Variants in MTG1 observed in about 807,000 individuals in gnomAD.
MTG1 encodes the protein mitochondrial ribosome associated GTPase 1.
In MTG1, 30 loss-of-function variants were observed where a neutral mutation model predicts 39.5. The ratio of observed to expected loss-of-function variants is 0.76; its 90% CI spans 0.57 to 1.03. The LOEUF (loss-of-function observed/expected upper bound fraction) is 1.03. MTG1 is among the 50% of genes least tolerant of loss of function. MTG1 has a pLI of 0.00. For synonymous variants in MTG1, 217 were observed against 179.0 expected, an observed-to-expected ratio of 1.21 and a Z score of -1.69; for missense variants, 513 against 447.4, an observed-to-expected ratio of 1.15 and a Z score of -1.32.
At chr10:133,416,400 A>C (rs887402292) in intron 9 of MTG1, among the ~76,000 whole-genome samples, 151 of 147,610 alleles carry the variant, frequency 1.0e-3, no homozygotes, top group African/African-American at 3.3e-3. Flanking sequence ...TTTTCTTTTT[A>C]TTTTATTTTA....
At chr10:133,394,618 T>C (rs1849753637) in intron 1 of MTG1, 1 of 1,278,010 alleles carries the variant, frequency 7.8e-7, no homozygotes, top group Non-Finnish European at 9.9e-7. Context: ...GCCCCTGTCC[T>C]CTGTTCCCAG....
In MTG1 at chr10:133,420,033, G is replaced by A; in HGVS notation, c.873G>A (p.Val291=). The A allele has an allele frequency of 6.2e-7, 1 of 1,610,174 alleles. No homozygotes were observed. Among genetic ancestry groups the A allele is most frequent in the South Asian group, 1.1e-5 (1 of 90,674 alleles). Residue 291 remains valine, a synonymous_variant, in exon 11 of 11, where the codon GTG becomes GTA. Coordinates refer to ENST00000317502, the MANE Select transcript of MTG1 (RefSeq NM_138384.4). The part of the protein sequence containing the change: ...KVKVLTGTGN[V]NIIQPNYPAA... ...AACCCTCCCGTCCCCCAGGTAACGT[G>A]AACATTATTCAGCCTAACTATCCTG...
intron 6 of MTG1, 61 bp downstream of exon 6, chr10:133,399,680 G>C: frequency 6.5e-7 from 1 of 1,530,920 alleles, no homozygotes; most frequent in Non-Finnish European, 9.0e-7. Context: ...CTGATGTGCT[G>C]ATGCCACCAT....
At chr10:133,412,766 C>G (rs1489243072) in intron 9 of MTG1, among the ~76,000 whole-genome samples, 1 of 152,202 alleles carries the variant, frequency 6.6e-6, no homozygotes, top group African/African-American at 2.4e-5. Context: ...CCCAAAGAAT[C>G]AGCTTCTGGT....
chr10:133,394,405 C>T, intron 1 of MTG1, 73 bp downstream of exon 1: 2 of 1,353,606 alleles, frequency 1.5e-6, no homozygotes, highest in Admixed American at 3.3e-5. Flanking sequence ...ACCCCGGTTT[C>T]GGCCGTCGCC....
chr10:133,404,740 T>C (rs1391404053), intron 9 of MTG1, among the ~76,000 whole-genome samples: 2 of 152,148 alleles, frequency 1.3e-5, no homozygotes, highest in African/African-American at 4.8e-5. Flanking sequence ...CAGATTGAAG[T>C]TCTTTTTTTT....
chr10:133,409,531 T>C (rs1027279801), intron 9 of MTG1, among the ~76,000 whole-genome samples: 1 of 152,224 alleles, frequency 6.6e-6, no homozygotes, highest in Non-Finnish European at 1.5e-5. Context: ...TCTGTAAATG[T>C]CAGTTAGACC....
chr10:133,414,571 C>T (rs1444141784), intron 9 of MTG1, among the ~76,000 whole-genome samples: 8 of 151,750 alleles, frequency 5.3e-5, no homozygotes, highest in East Asian at 3.9e-4. Flanking sequence ...AGACGATGGG[C>T]GGCGGGGCAG....
At chr10:133,400,186 C>T (rs565778649) in intron 6 of MTG1, among the ~76,000 whole-genome samples, 14 of 150,778 alleles carry the variant, frequency 9.3e-5, no homozygotes, top group African/African-American at 1.5e-4. Flanking sequence ...AGCGAGACTC[C>T]GTCTCAAAAA....
chr10:133,420,266 C>G lies in MTG1; in HGVS notation c.*101C>G, dbSNP rs116089682. ...GCTCACCCGGTCCAGAAGCTCCATG[C>G]TGGTCACTAGGGTGCTGTGCTCTCT... is the stretch of plus-strand genomic sequence containing the variant. On this transcript the variant is annotated 3_prime_UTR_variant, in exon 11 of 11. Coordinates refer to ENST00000317502, the MANE Select transcript of MTG1 (RefSeq NM_138384.4). The G allele has an allele frequency of 9.1e-4, 1,279 of 1,403,998 alleles. 8 individuals are homozygous for G. In the African/African-American group the frequency reaches 0.015, roughly 17 times the overall value. 87.0% of individuals were successfully genotyped at this position (1,403,998 alleles called of 1,614,324 possible). A position where few individuals can be genotyped will look rare whatever the true frequency, so the allele number is the denominator to read the frequency against.
At chr10:133,413,505 C>T (rs944978200) in intron 9 of MTG1, among the ~76,000 whole-genome samples, 1 of 152,214 alleles carries the variant, frequency 6.6e-6, no homozygotes, top group Non-Finnish European at 1.5e-5. Context: ...CCACGTGCCT[C>T]CCAAAGTGCT....
chr10:133,397,779 G>GTTTTTTTTTTTTTTTTTTTTTTTTT (rs35859911), intron 3 of MTG1, among the ~76,000 whole-genome samples: 1 of 139,486 alleles, frequency 7.2e-6, no homozygotes, highest in South Asian at 2.4e-4. Context: ...CGTCCAGCCT[G>GTTTTTTTTTTTTTTTTTTTTTTTTT]TTTTTTTTTT....
rs117841995 is a variant in MTG1, at chr10:133,407,351, G to A, written c.752+4578G>A. Among the ~76,000 whole-genome samples the A allele has an allele frequency of 7.5e-3, 1,140 of 152,174 alleles. 8 individuals carry two copies. The highest frequency in any genetic ancestry group is 0.048 in the Middle Eastern group (14 of 294). Reference sequence around the variant, plus strand: ...AGAGTGTCATTGCTATTTTGATAACGATTGCATTAAATCTGTAAATTGCTT... The same window carrying A: ...AGAGTGTCATTGCTATTTTGATAACAATTGCATTAAATCTGTAAATTGCTT... On this transcript the variant is annotated intron_variant, in intron 9 of 10. Transcript: ENST00000317502.
chr10:133,398,612 G>T, intron 4 of MTG1, 97 bp downstream of exon 4: 1 of 1,381,806 alleles, frequency 7.2e-7, no homozygotes. Flanking sequence ...GCAGAGCTTT[G>T]GAAAAGATCC....
chr10:133,398,754 C>T (rs1372033247), intron 4 of MTG1, among the ~76,000 whole-genome samples: 1 of 152,182 alleles, frequency 6.6e-6, no homozygotes, highest in Non-Finnish European at 1.5e-5. Context: ...TTTGGAGACT[C>T]AGGTAGCTCA....
chr10:133,398,432 C>G lies in MTG1; in HGVS notation c.283-3C>G, dbSNP rs768646076. On this transcript the variant is annotated splice_region_variant and splice_polypyrimidine_tract_variant and intron_variant, in intron 3 of 10. Coordinates refer to ENST00000317502, the MANE Select transcript of MTG1 (RefSeq NM_138384.4). ...TAACATAGAAATGTTTTGTGTCTTT[C>G]AGAAAATTATGCAACACTTAGAAGG... 1.9e-6 allele frequency: 3 copies of G among 1,611,078 alleles called. No individual in the cohort carries two copies. Among genetic ancestry groups the G allele is most frequent in the Non-Finnish European group, 2.5e-6 (3 of 1,179,192 alleles).
rs541175706 is a variant in MTG1, at chr10:133,399,297, T to G, written c.420+71T>G. ...ATGGGCCAGCCCCTCCTGCCTGGCCTCTCCAAGGAGAAGGCGCAGCGCCCC... is the reference window on the plus strand; with the variant it reads ...ATGGGCCAGCCCCTCCTGCCTGGCCGCTCCAAGGAGAAGGCGCAGCGCCCC... On this transcript the variant is annotated intron_variant, in intron 5 of 10. Transcript: ENST00000317502. 69 of 1,553,990 alleles carry G rather than the reference T, an allele frequency of 4.4e-5. 1 individual carries two copies. Among genetic ancestry groups the G allele is most frequent in the Non-Finnish European group, 6.0e-5 (68 of 1,128,652 alleles).
chr10:133,401,714 G>C, intron 7 of MTG1, 124 bp downstream of exon 7: 1 of 905,246 alleles, frequency 1.1e-6, no homozygotes, highest in Admixed American at 1.9e-5. Flanking sequence ...CAGTGTCCCC[G>C]CTGAGCACCC....
intron 9 of MTG1, among the ~76,000 whole-genome samples, chr10:133,409,774 A>G (rs1029577383): frequency 6.6e-6 from 1 of 151,918 alleles, no homozygotes; most frequent in African/African-American, 2.4e-5. Flanking sequence ...TCGTATAGTG[A>G]CTTTCTCTGT....
Sources: gnomAD v4.1 joint callset for allele counts (sites outside exome capture counted in the v4.1 genomes callset) on GRCh38, gnomAD v4.1.1 for gene constraint, MANE v1.5 for transcripts, NCBI Gene and HGNC (gene_info 2026-07-23, HGNC 2026-07-21) for gene names.